The following OXR1 variants were observed in gnomAD, a reference collection of about 807,000 sequenced individuals.
OXR1 encodes oxidation resistance protein 1.
OXR1 carries 41 observed loss-of-function variants against 104.6 expected under a neutral mutation model. That is an observed-to-expected ratio of 0.39 (90% confidence interval 0.31 to 0.51). OXR1 has a LOEUF of 0.51. Ranked by LOEUF, OXR1 falls within the 20% of genes least tolerant of loss-of-function variation. The pLI, the probability that OXR1 is intolerant of heterozygous loss-of-function variation, is 0.77. For synonymous variants in OXR1, 348 were observed against 348.4 expected (o/e 1.00, Z 0.01); for missense variants, 955 against 1,031.9 (o/e 0.93, Z 1.02).
At position 106,578,983 on chromosome 8, in the gene OXR1, C is replaced by CT. The variant is rs146593561; in HGVS notation, c.220+59847dup. The stretch of plus-strand genomic sequence containing the variant: ...GACCACCTAGGTAACCTCACTTTTT[C>CT]TTTCTTTTTTTTTTTTTTTGCCTAG... On this transcript the variant is annotated intron_variant, in intron 3 of 16. Transcript: ENST00000517566. Among the ~76,000 whole-genome samples the CT allele has an allele frequency of 4.1e-3, 531 of 130,992 alleles. 14 individuals are homozygous for CT. Among genetic ancestry groups the CT allele is most frequent in the Middle Eastern group, 4.8e-3 (1 of 210 alleles). The allele number at this position is 130,992 out of a possible 152,430, so 85.9% of individuals were successfully genotyped here.
intron 2 of OXR1, among the ~76,000 whole-genome samples, chr8:106,457,254 A>G (rs544836220): frequency 6.6e-6 from 1 of 152,164 alleles, no homozygotes; most frequent in Non-Finnish European, 1.5e-5. Context: ...TTTCTGATAA[A>G]AAGATGATTT....
chr8:106,488,559 C>G (rs577892427), intron 2 of OXR1, among the ~76,000 whole-genome samples: 15 of 152,142 alleles, frequency 9.9e-5, no homozygotes, highest in African/African-American at 3.6e-4. Flanking sequence ...GGTTTTAGGT[C>G]TAACATTTAA....
intron 3 of OXR1, among the ~76,000 whole-genome samples, chr8:106,623,316 AT>A (rs1821877377): frequency 6.6e-6 from 1 of 152,060 alleles, no homozygotes; most frequent in Non-Finnish European, 1.5e-5. Context: ...ATATATGTAT[AT>A]TTTTTAAAAG....
chr8:106,433,357 TTACATTAGTGA>T (rs1181291804), intron 2 of OXR1, among the ~76,000 whole-genome samples: 1 of 152,150 alleles, frequency 6.6e-6, no homozygotes, highest in Non-Finnish European at 1.5e-5. Flanking sequence ...ATCTTAGGTT[TTACATTAGTGA>T]TGTTACCCCC....
rs142655060 is a variant in OXR1 at position 106,665,793 on chromosome 8, A to G, written c.221-13417A>G. Among the ~76,000 whole-genome samples the G allele has an allele frequency of 3.3e-3, 505 of 152,312 alleles. 2 individuals are homozygous for G. Among genetic ancestry groups the G allele is most frequent in the Middle Eastern group, 6.8e-3 (2 of 294 alleles). On this transcript the variant is annotated intron_variant, in intron 3 of 16. Transcript: ENST00000517566. Reference sequence around the variant, plus strand: ...AGGAATGTGTTTTAGGGTCAAATACATACATTAGAGAAAGGACAAAAATTG... The same window carrying G: ...AGGAATGTGTTTTAGGGTCAAATACGTACATTAGAGAAAGGACAAAAATTG...
Position 106,713,836 on chromosome 8 carries a change from T to C in OXR1, c.1807T>C (p.Tyr603His). ...TTCTCCTAACAGGACAGATCACTTG[T>C]ATGCCTTCTTCATTCAGTGGAGTCC... ...AVPQERTDHL[Y>H]AFFIQWSPEI... The change falls in exon 11 of 17, where the codon TAT (tyrosine) becomes CAT (histidine). Residue 603 changes from tyrosine to histidine, a missense_variant. Physicochemically the swap from Tyr to His is moderately conservative, Grantham distance 83 (BLOSUM62 2). This residue lies in a region of OXR1 where 849 missense variants were observed against 852.9 expected (regional missense o/e 1.00). Transcript: ENST00000517566. 6.4e-7 allele frequency: 1 copy of C among 1,565,980 alleles called. No homozygotes were observed. The highest frequency in any genetic ancestry group is 8.6e-7 in the Non-Finnish European group (1 of 1,164,852).
At chr8:106,691,986 T>TACACAC (rs111447939) in intron 6 of OXR1, among the ~76,000 whole-genome samples, 2 of 149,528 alleles carry the variant, frequency 1.3e-5, no homozygotes, top group African/African-American at 2.4e-5. Flanking sequence ...TCTATATATA[T>TACACAC]ACACACACAC....
At chr8:106,727,341 T>G (rs1833443583) in intron 11 of OXR1, among the ~76,000 whole-genome samples, 2 of 152,286 alleles carry the variant, frequency 1.3e-5, no homozygotes, top group South Asian at 4.1e-4. Flanking sequence ...ATTCTGAAAT[T>G]TATAGGTCAA....
At chr8:106,702,110 C>G (rs1830633747) in intron 7 of OXR1, among the ~76,000 whole-genome samples, 1 of 152,168 alleles carries the variant, frequency 6.6e-6, no homozygotes, top group Non-Finnish European at 1.5e-5. Flanking sequence ...GCTGGGATTA[C>G]AGGCACATGC....
At chr8:106,684,166 A>T in intron 5 of OXR1, 80 bp from the exon 6 acceptor site, 1 of 669,166 alleles carries the variant, frequency 1.5e-6, no homozygotes. Context: ...GGTAATTGTT[A>T]ATAGTGCTTG....
chr8:106,455,075 T>C (rs533429436), intron 2 of OXR1, among the ~76,000 whole-genome samples: 15 of 152,316 alleles, frequency 9.8e-5, no homozygotes, highest in African/African-American at 2.9e-4. Context: ...TATATTTCCT[T>C]CCTTTTATTT....
intron 4 of OXR1, among the ~76,000 whole-genome samples, chr8:106,679,916 G>C (rs1827983856): frequency 6.6e-6 from 1 of 151,920 alleles, no homozygotes. Flanking sequence ...TGTTTATTTG[G>C]ATAATGTTAA....
At chr8:106,532,701 G>T (rs1227899613) in intron 3 of OXR1, among the ~76,000 whole-genome samples, 4 of 152,150 alleles carry the variant, frequency 2.6e-5, no homozygotes, top group African/African-American at 9.7e-5. Context: ...AGATTTTCCA[G>T]TCAATGCTGT....
intron 3 of OXR1, among the ~76,000 whole-genome samples, chr8:106,538,756 A>G (rs1224800997): frequency 1.3e-5 from 2 of 151,632 alleles, no homozygotes; most frequent in African/African-American, 2.4e-5. Context: ...TGTGAATAGC[A>G]TAAAAACAGG....
chr8:106,389,854 T>A (rs1360053146), intron 2 of OXR1, among the ~76,000 whole-genome samples: 1 of 152,082 alleles, frequency 6.6e-6, no homozygotes, highest in Non-Finnish European at 1.5e-5. Context: ...TCACTTGAGG[T>A]CAGGAGTTCG....
chr8:106,303,912 T>A (rs1482426695), intron 1 of OXR1, among the ~76,000 whole-genome samples: 2 of 152,208 alleles, frequency 1.3e-5, no homozygotes, highest in Non-Finnish European at 2.9e-5. Flanking sequence ...TCTCTCTTTT[T>A]TAGCTATGCA....
chr8:106,518,763 G>A (rs1813044401), intron 2 of OXR1, among the ~76,000 whole-genome samples, 180 bp from the exon 3 acceptor site: 2 of 152,032 alleles, frequency 1.3e-5, no homozygotes, highest in African/African-American at 4.8e-5. Context: ...TTTCCTTCTA[G>A]TTTCAAAAAT....
At chr8:106,442,771 A>G (rs930809968) in intron 2 of OXR1, among the ~76,000 whole-genome samples, 1 of 152,056 alleles carries the variant, frequency 6.6e-6, no homozygotes, top group African/African-American at 2.4e-5. Flanking sequence ...TATCCCCGTT[A>G]TCATTTTTTA....
chr8:106,697,545 C>A, intron 7 of OXR1: 1 of 1,611,724 alleles, frequency 6.2e-7, no homozygotes, highest in East Asian at 2.2e-5. Context: ...GAGGATTCTC[C>A]TTGGATTTCT....
Sources: gnomAD v4.1 joint callset for allele counts (sites outside exome capture counted in the v4.1 genomes callset) on GRCh38, gnomAD v4.1.1 for gene constraint, gnomAD v4.1.1 regional missense constraint, MANE v1.5 for transcripts, NCBI Gene and HGNC (gene_info 2026-07-23, HGNC 2026-07-21) for gene names.